The following SNX33 variants were observed in gnomAD, a reference collection of about 807,000 sequenced individuals.
SNX33 encodes the protein sorting nexin-33.
Under a neutral mutation model 38.8 loss-of-function variants are expected in SNX33, and 19 were observed. That is an observed-to-expected ratio of 0.49 (90% CI 0.34 to 0.72). The LOEUF (loss-of-function observed/expected upper bound fraction) is 0.72, where lower values mean the gene tolerates loss of function less well. SNX33 is among the 30% of genes least tolerant of loss of function. SNX33 has a pLI of 0.01. For missense variants in SNX33, 641 were observed against 776.4 expected, an observed-to-expected ratio of 0.83 and a Z score of 2.07; for synonymous variants, 246 against 289.7, an observed-to-expected ratio of 0.85 and a Z score of 1.53.
rs1390423260 is a variant in SNX33, at chr15:75,658,707, G to C, written c.*1492G>C. The C allele has an allele frequency of 2.0e-5, 3 of 152,560 alleles. No individual in the cohort carries two copies. The highest frequency in any genetic ancestry group is 4.4e-5 in the Non-Finnish European group (3 of 68,066). 9.5% of individuals were successfully genotyped at this position (152,560 alleles called of 1,614,324 possible). A position where few individuals can be genotyped will look rare whatever the true frequency, so the allele number is the denominator to read the frequency against. ...GAAGGATAGAGCCCTAATTGCTCCT[G>C]AGAGCCATTGGATGAGATTCTGAGG... is the stretch of plus-strand genomic sequence containing the variant. On this transcript the variant is annotated 3_prime_UTR_variant, in exon 2 of 2. Transcript: ENST00000308527. This position sits in a 1 kb window ranked among gnomAD's most constrained non-coding sequence, Gnocchi z 4.1.
At position 75,648,663 on chromosome 15, in the gene SNX33, C is replaced by T. The variant is rs1893529555; in HGVS notation, c.-440C>T. The T allele has an allele frequency of 4.4e-6, 2 of 451,214 alleles. No homozygotes were observed. Among genetic ancestry groups the T allele is most frequent in the Non-Finnish European group, 5.8e-6 (2 of 343,238 alleles). 28.0% of individuals were successfully genotyped at this position (451,214 alleles called of 1,614,324 possible). ...GCCAGAGGGACAGCCGAGCCCTGCC[C>T]GGGTTTCTGGAATGGTGGTTTCAGA... On this transcript the variant is annotated 5_prime_UTR_variant, in exon 1 of 2. Coordinates refer to ENST00000308527, the MANE Select transcript of SNX33 (RefSeq NM_153271.2). The surrounding 1 kb of genome is among the most constrained non-coding windows in gnomAD (Gnocchi z 4.4).
intron 1 of SNX33, 37 bp from the exon 2 acceptor site, chr15:75,656,925 A>C (rs745469687): frequency 1.3e-6 from 2 of 1,596,132 alleles, no homozygotes; most frequent in African/African-American, 2.7e-5. Flanking sequence ...TGGAGATCAG[A>C]GCCCTCACAC....
chr15:75,656,833 G>T, intron 1 of SNX33, 129 bp from the exon 2 acceptor site: 1 of 1,415,512 alleles, frequency 7.1e-7, no homozygotes, highest in African/African-American at 1.4e-5. Flanking sequence ...CAGGTGGCTG[G>T]AATGTGGGTC....
Position 75,648,470 on chromosome 15 carries a change from C to CG in SNX33, c.-633_-632insG. 1.0e-6 allele frequency: 1 copy of CG among 985,478 alleles called. No homozygotes were observed. Among genetic ancestry groups the CG allele is most frequent in the Non-Finnish European group, 1.2e-6 (1 of 829,958 alleles). The allele number at this position is 985,478 out of a possible 1,614,324, so 61.0% of individuals were successfully genotyped here. On this transcript the variant is annotated 5_prime_UTR_variant, in exon 1 of 2. Transcript: ENST00000308527. This position sits in a 1 kb window ranked among gnomAD's most constrained non-coding sequence, Gnocchi z 4.4. ...CTCGTTGTGAAGCCGGACACATCCA[C>CG]CCTTGGACTCGATTCAGGCGGCTGC...
In SNX33 at chr15:75,649,267, T is replaced by G; in HGVS notation, c.165T>G (p.Tyr55Ter). The change falls in exon 1 of 2, where the codon TAT becomes TAG. Residue 55 changes from tyrosine to a stop codon, truncating the protein, a stop_gained. Transcript: ENST00000308527. LOFTEE classifies it high-confidence loss of function. The surrounding 1 kb of genome is among the most constrained non-coding windows in gnomAD (Gnocchi z 6.6). Reference protein sequence around the residue: ...RGETGLFPASYVEIVRSGIST... With the variant: ...RGETGLFPAS ...AGACAGGGCTCTTTCCTGCCTCTTA[T>G]GTGGAGATCGTCCGTTCTGGCATCA... is the stretch of plus-strand genomic sequence containing the variant. 6.2e-7 allele frequency: 1 copy of G among 1,613,854 alleles called. No homozygotes were observed. The highest frequency in any genetic ancestry group is 8.5e-7 in the Non-Finnish European group (1 of 1,179,888).
rs1187158405 is a variant in SNX33, at chr15:75,648,225, G to A, written c.-878G>A. 5.1e-6 allele frequency: 5 copies of A among 985,362 alleles called. No homozygotes were observed. Among genetic ancestry groups the A allele is most frequent in the Non-Finnish European group, 6.0e-6 (5 of 829,970 alleles). The allele number at this position is 985,362 out of a possible 1,614,324, so 61.0% of individuals were successfully genotyped here. On this transcript the variant is annotated 5_prime_UTR_variant, in exon 1 of 2. Coordinates refer to ENST00000308527, the MANE Select transcript of SNX33 (RefSeq NM_153271.2). This position sits in a 1 kb window ranked among gnomAD's most constrained non-coding sequence, Gnocchi z 4.4. ...CAGAGCAGGGTCAGCGTCAGGCTCA[G>A]AAACTGCTGAGGAATTAGGCAAACA... is the stretch of plus-strand genomic sequence containing the variant.
Position 75,658,611 on chromosome 15 carries a change from A to G in SNX33, c.*1396A>G, listed in dbSNP as rs1893685306. On this transcript the variant is annotated 3_prime_UTR_variant, in exon 2 of 2. Transcript: ENST00000308527. The surrounding 1 kb of genome is among the most constrained non-coding windows in gnomAD (Gnocchi z 4.1). ...TGCTCCTTGAATCTTTTTTCTTGAT[A>G]AACCTTTTACAATTAAGATAACACA... 6.6e-6 allele frequency: 1 copy of G among 152,618 alleles called. No individual in the cohort carries two copies. Among genetic ancestry groups the G allele is most frequent in the South Asian group, 2.1e-4 (1 of 4,830 alleles). The allele number at this position is 152,618 out of a possible 1,614,324, so 9.5% of individuals were successfully genotyped here.
Position 75,649,245 on chromosome 15 carries a change from C to T in SNX33, c.143C>T (p.Thr48Ile). Residue 48 changes from threonine (T) to isoleucine (I), a missense_variant, in exon 1 of 2, where the codon ACA becomes ATA. Thr to Ile is a moderately conservative substitution (Grantham distance 89). This residue lies in a region of SNX33 where 243 missense variants were observed against 233.9 expected (regional missense o/e 1.04). Coordinates refer to ENST00000308527, the MANE Select transcript of SNX33 (RefSeq NM_153271.2). This position sits in a 1 kb window ranked among gnomAD's most constrained non-coding sequence, Gnocchi z 6.6. ...WLQGQNSRGE[T>I]GLFPASYVEI... ...CAGGGCCAGAACAGCCGTGGGGAGA[C>T]AGGGCTCTTTCCTGCCTCTTATGTG... is the stretch of plus-strand genomic sequence containing the variant. The T allele has an allele frequency of 6.2e-7, 1 of 1,614,152 alleles. No individual in the cohort carries two copies.
Position 75,649,054 on chromosome 15 carries a change from C to G in SNX33, c.-49C>G, listed in dbSNP as rs373483170. ...GGACTGCCTTGTGAGCATCCCCGGTCTGGGCAGGACCCTCTCCTTCCCATC... is the reference window on the plus strand; with the variant it reads ...GGACTGCCTTGTGAGCATCCCCGGTGTGGGCAGGACCCTCTCCTTCCCATC... On this transcript the variant is annotated 5_prime_UTR_variant, in exon 1 of 2. Coordinates refer to ENST00000308527, the MANE Select transcript of SNX33 (RefSeq NM_153271.2). This position sits in a 1 kb window ranked among gnomAD's most constrained non-coding sequence, Gnocchi z 6.6. 95 of 1,525,338 alleles carry G rather than the reference C, an allele frequency of 6.2e-5. No homozygotes were observed. In the African/African-American group the frequency reaches 1.0e-3, roughly 16 times the overall value. 94.5% of individuals were successfully genotyped at this position (1,525,338 alleles called of 1,614,324 possible). A position where few individuals can be genotyped will look rare whatever the true frequency, so the allele number is the denominator to read the frequency against.
chr15:75,648,866 C>T lies in SNX33; in HGVS notation c.-237C>T. ...AGGAGACTGTGGACATGAGCCCTCC[C>T]TGCTCACAAGCATATGCCCGGAGAC... is the stretch of plus-strand genomic sequence containing the variant. On this transcript the variant is annotated 5_prime_UTR_variant, in exon 1 of 2. Coordinates refer to ENST00000308527, the MANE Select transcript of SNX33 (RefSeq NM_153271.2). This position sits in a 1 kb window ranked among gnomAD's most constrained non-coding sequence, Gnocchi z 4.4. 2.3e-6 allele frequency: 1 copy of T among 437,810 alleles called. No homozygotes were observed. The highest frequency in any genetic ancestry group is 3.9e-6 in the Non-Finnish European group (1 of 256,378). The allele number at this position is 437,810 out of a possible 1,614,324, so 27.1% of individuals were successfully genotyped here. A position where few individuals can be genotyped will look rare whatever the true frequency, so the allele number is the denominator to read the frequency against.
chr15:75,656,718 C>T (rs1419541757), intron 1 of SNX33, among the ~76,000 whole-genome samples: 1 of 152,132 alleles, frequency 6.6e-6, no homozygotes, highest in Non-Finnish European at 1.5e-5. Context: ...TGTGACTGGT[C>T]ACATGTGGGC....
chr15:75,653,152 C>T (rs1020672451), intron 1 of SNX33, among the ~76,000 whole-genome samples: 2 of 152,144 alleles, frequency 1.3e-5, no homozygotes, highest in African/African-American at 2.4e-5. Context: ...GTGAAACTTA[C>T]ATTAAACAAA....
chr15:75,648,469 A>G lies in SNX33; in HGVS notation c.-634A>G. 4 of 984,806 alleles carry G rather than the reference A, an allele frequency of 4.1e-6. No homozygotes were observed. Among genetic ancestry groups the G allele is most frequent in the Non-Finnish European group, 4.8e-6 (4 of 829,798 alleles). The allele number at this position is 984,806 out of a possible 1,614,324, so 61.0% of individuals were successfully genotyped here. A position where few individuals can be genotyped will look rare whatever the true frequency, so the allele number is the denominator to read the frequency against. On this transcript the variant is annotated 5_prime_UTR_variant, in exon 1 of 2. Coordinates refer to ENST00000308527, the MANE Select transcript of SNX33 (RefSeq NM_153271.2). The surrounding 1 kb of genome is among the most constrained non-coding windows in gnomAD (Gnocchi z 4.4). The stretch of plus-strand genomic sequence containing the variant: ...GCTCGTTGTGAAGCCGGACACATCC[A>G]CCCTTGGACTCGATTCAGGCGGCTG...
At position 75,658,231 on chromosome 15, in the gene SNX33, C is replaced by G. The variant is rs1162878667; in HGVS notation, c.*1016C>G. 1 of 152,618 alleles carries G rather than the reference C, an allele frequency of 6.6e-6. No individual in the cohort carries two copies. The highest frequency in any genetic ancestry group is 1.5e-5 in the Non-Finnish European group (1 of 68,054). 9.5% of individuals were successfully genotyped at this position (152,618 alleles called of 1,614,324 possible). A position where few individuals can be genotyped will look rare whatever the true frequency, so the allele number is the denominator to read the frequency against. ...TTTGAGTTCACCAGCAATAACTCCC[C>G]ACACTCGAAGCAGGTCCAAACCCAG... On this transcript the variant is annotated 3_prime_UTR_variant, in exon 2 of 2. Transcript: ENST00000308527. This position sits in a 1 kb window ranked among gnomAD's most constrained non-coding sequence, Gnocchi z 4.1.
Position 75,658,137 on chromosome 15 carries a change from G to C in SNX33, c.*922G>C, listed in dbSNP as rs1264460275. The C allele has an allele frequency of 6.6e-6, 1 of 152,618 alleles. No individual in the cohort carries two copies. The highest frequency in any genetic ancestry group is 1.5e-5 in the Non-Finnish European group (1 of 68,072). 9.5% of individuals were successfully genotyped at this position (152,618 alleles called of 1,614,324 possible). On this transcript the variant is annotated 3_prime_UTR_variant, in exon 2 of 2. Transcript: ENST00000308527. This position sits in a 1 kb window ranked among gnomAD's most constrained non-coding sequence, Gnocchi z 4.1. Reference sequence around the variant, plus strand: ...CCCCTCCTCGGACTCAAGGTGCTGAGGTATAAGCCCTGGGCCCCAGATCCC... The same window carrying C: ...CCCCTCCTCGGACTCAAGGTGCTGACGTATAAGCCCTGGGCCCCAGATCCC...
At position 75,651,422 on chromosome 15, in the gene SNX33, T is replaced by C. The variant is rs78030167; in HGVS notation, c.1471+849T>C. On this transcript the variant is annotated intron_variant, in intron 1 of 1. Transcript: ENST00000308527. ...CCACTTCCCAAGCCTAGCCATGTTTTCAGTTCTCATGACCCCCTCTGTGGG... is the reference window on the plus strand; with the variant it reads ...CCACTTCCCAAGCCTAGCCATGTTTCCAGTTCTCATGACCCCCTCTGTGGG... Among the ~76,000 whole-genome samples, 830 of 152,308 alleles carry C rather than the reference T, an allele frequency of 5.4e-3. 22 individuals carry two copies. The East Asian group carries it at 0.097, about 18-fold the overall frequency.
At chr15:75,652,004 C>G (rs567203229) in intron 1 of SNX33, among the ~76,000 whole-genome samples, 6,404 of 140,178 alleles carry the variant, frequency 0.046, 427 homozygotes, top group African/African-American at 0.15. Flanking sequence ...TCCTTTCTTT[C>G]TGTTTTTTTT....
Position 75,649,027 on chromosome 15 carries a change from T to G in SNX33, c.-76T>G, listed in dbSNP as rs1893533704. On this transcript the variant is annotated 5_prime_UTR_variant, in exon 1 of 2. Coordinates refer to ENST00000308527, the MANE Select transcript of SNX33 (RefSeq NM_153271.2). The surrounding 1 kb of genome is among the most constrained non-coding windows in gnomAD (Gnocchi z 6.6). Reference sequence around the variant, plus strand: ...GCGCCATTCAGCTGCGAGTGCATTCTTGGACTGCCTTGTGAGCATCCCCGG... The same window carrying G: ...GCGCCATTCAGCTGCGAGTGCATTCGTGGACTGCCTTGTGAGCATCCCCGG... The G allele has an allele frequency of 6.6e-7, 1 of 1,504,260 alleles. No homozygotes were observed. Among genetic ancestry groups the G allele is most frequent in the African/African-American group, 1.4e-5 (1 of 71,496 alleles). The allele number at this position is 1,504,260 out of a possible 1,614,324, so 93.2% of individuals were successfully genotyped here. A position where few individuals can be genotyped will look rare whatever the true frequency, so the allele number is the denominator to read the frequency against.
Position 75,657,307 on chromosome 15 carries a change from G to C in SNX33, c.*92G>C. On this transcript the variant is annotated 3_prime_UTR_variant, in exon 2 of 2. Coordinates refer to ENST00000308527, the MANE Select transcript of SNX33 (RefSeq NM_153271.2). This position sits in a 1 kb window ranked among gnomAD's most constrained non-coding sequence, Gnocchi z 5.5. ...CTCCCTATACCAGCAGTGACTGGGG[G>C]AGGGGTCAGCGGTGGGGGAGATAAG... The C allele has an allele frequency of 6.4e-7, 1 of 1,567,146 alleles. No individual in the cohort carries two copies. Among genetic ancestry groups the C allele is most frequent in the Non-Finnish European group, 8.7e-7 (1 of 1,155,224 alleles).
Sources: allele counts gnomAD v4.1 joint callset (sites outside exome capture counted in the v4.1 genomes callset), GRCh38; gene constraint gnomAD v4.1.1; regional missense constraint gnomAD v4.1.1; non-coding constraint Gnocchi (gnomAD v3.1); transcripts MANE v1.5; gene names NCBI Gene and HGNC (gene_info 2026-07-23, HGNC 2026-07-21).